The following NRXN3 variants were observed in gnomAD, a reference collection of about 807,000 sequenced individuals.
NRXN3 encodes the protein neurexin 3.
A neutral mutation model predicts 137.6 loss-of-function variants in NRXN3; 32 were observed. The observed-to-expected ratio is 0.23, with a 90% CI of 0.18 to 0.31. The LOEUF (loss-of-function observed/expected upper bound fraction) is 0.31, where lower values mean the gene tolerates loss of function less well. NRXN3 is among the 10% of genes least tolerant of loss of function. NRXN3 has a pLI of 1.00. For synonymous variants in NRXN3, 798 were observed against 784.5 expected, an observed-to-expected ratio of 1.02 and a Z score of -0.29; for missense variants, 1,574 against 2,062.5, an observed-to-expected ratio of 0.76 and a Z score of 4.59.
chr14:78,714,336 G>T (rs917633657), intron 7 of NRXN3, among the ~76,000 whole-genome samples: 1 of 152,180 alleles, frequency 6.6e-6, no homozygotes, highest in Admixed American at 6.5e-5. Context: ...AACCTATGAG[G>T]TGGGGACAGT....
chr14:78,353,028 G>A (rs931383053), intron 4 of NRXN3, among the ~76,000 whole-genome samples: 1 of 152,202 alleles, frequency 6.6e-6, no homozygotes, highest in Non-Finnish European at 1.5e-5. Context: ...AGTAAGGATC[G>A]ATCACATTCC....
intron 6 of NRXN3, among the ~76,000 whole-genome samples, chr14:78,658,976 G>C (rs2097809621): frequency 1.3e-5 from 2 of 152,126 alleles, no homozygotes; most frequent in Admixed American, 1.3e-4. Flanking sequence ...GCTAACTATT[G>C]GCTTGTCATG....
At chr14:78,484,203 T>C (rs1212171078) in intron 4 of NRXN3, among the ~76,000 whole-genome samples, 1 of 152,002 alleles carries the variant, frequency 6.6e-6, no homozygotes, top group Non-Finnish European at 1.5e-5. Flanking sequence ...TAATGACAAA[T>C]AATACAGTTG....
chr14:79,129,647 C>A (rs1036528449), intron 15 of NRXN3, among the ~76,000 whole-genome samples: 18 of 134,894 alleles, frequency 1.3e-4, no homozygotes, highest in Admixed American at 2.3e-4. Flanking sequence ...AAAAAAATGT[C>A]TATTCTGTTG....
At chr14:78,204,984 G>A (rs2062040377) in intron 1 of NRXN3, among the ~76,000 whole-genome samples, 1 of 152,180 alleles carries the variant, frequency 6.6e-6, no homozygotes, top group Non-Finnish European at 1.5e-5. Context: ...AAAGTGCGGA[G>A]ACCAAGAGTA....
chr14:78,896,098 G>T (rs2099173655), intron 10 of NRXN3, among the ~76,000 whole-genome samples: 1 of 151,844 alleles, frequency 6.6e-6, no homozygotes, highest in Admixed American at 6.6e-5. Context: ...TCAACCAACG[G>T]TTGCCCCAAA....
chr14:79,125,366 G>C (rs533527862), intron 15 of NRXN3, among the ~76,000 whole-genome samples: 1 of 152,144 alleles, frequency 6.6e-6, no homozygotes, highest in Non-Finnish European at 1.5e-5. Context: ...CACCTACCTT[G>C]TTCAGTAGTA....
chr14:78,824,286 T>C (rs1041096976), intron 10 of NRXN3, among the ~76,000 whole-genome samples: 5 of 151,974 alleles, frequency 3.3e-5, no homozygotes, highest in African/African-American at 9.7e-5. Flanking sequence ...CCTTGGCCAA[T>C]AGGGGATTCT....
chr14:78,314,942 T>TCTTTCTTTCTTTCTTCCTTCCTTC (rs1491333798), intron 4 of NRXN3, among the ~76,000 whole-genome samples: 1 of 60,580 alleles, frequency 1.7e-5, no homozygotes. Context: ...TTTCTTTCTT[T>TCTTTCTTTCTTTCTTCCTTCCTTC]CTTCCTTCCT....
At chr14:79,855,836 A>G (rs369569640) in intron 20 of NRXN3, among the ~76,000 whole-genome samples, 5 of 152,280 alleles carry the variant, frequency 3.3e-5, no homozygotes, top group East Asian at 1.9e-4. Context: ...TAATATTTGC[A>G]TTGATGGTTT....
chr14:78,619,475 T>C (rs1416036815), intron 4 of NRXN3, among the ~76,000 whole-genome samples: 1 of 152,080 alleles, frequency 6.6e-6, no homozygotes, highest in Admixed American at 6.6e-5. Context: ...ATGGTTAAGC[T>C]TTGTGTCCCA....
intron 15 of NRXN3, among the ~76,000 whole-genome samples, chr14:79,465,939 A>G (rs879061747): frequency 1.4e-4 from 21 of 152,176 alleles, no homozygotes; most frequent in Non-Finnish European, 2.8e-4. Context: ...ATTTTCTCCA[A>G]CTGAAATTAA....
At chr14:78,714,290 A>G (rs1381464387) in intron 7 of NRXN3, among the ~76,000 whole-genome samples, 1 of 152,148 alleles carries the variant, frequency 6.6e-6, no homozygotes, top group Non-Finnish European at 1.5e-5. Context: ...TCACTCTTAA[A>G]AGCACTTTGC....
At chr14:79,508,407 A>G (rs78778258) in intron 16 of NRXN3, among the ~76,000 whole-genome samples, 1 of 58,566 alleles carries the variant, frequency 1.7e-5, no homozygotes, top group Non-Finnish European at 3.4e-5. Flanking sequence ...TTTTTTTTTT[A>G]AGACAGAGTC....
chr14:78,885,864 G>A (rs968617171), intron 10 of NRXN3, among the ~76,000 whole-genome samples: 4 of 151,954 alleles, frequency 2.6e-5, no homozygotes, highest in Non-Finnish European at 5.9e-5. Context: ...TTTAATTTTG[G>A]TATTAGTATT....
intron 4 of NRXN3, among the ~76,000 whole-genome samples, chr14:78,628,301 C>T (rs1353169896): frequency 2.0e-5 from 3 of 152,076 alleles, no homozygotes; most frequent in Non-Finnish European, 2.9e-5. Context: ...GAACTCCTGG[C>T]TTCAAGTGAT....
At chr14:78,253,328 C>G (rs1457258191) in intron 2 of NRXN3, among the ~76,000 whole-genome samples, 1 of 152,184 alleles carries the variant, frequency 6.6e-6, no homozygotes, top group Non-Finnish European at 1.5e-5. Context: ...GTATTACTTT[C>G]TAGCTGTGAC....
At chr14:79,842,000 C>G (rs1229035718) in intron 20 of NRXN3, among the ~76,000 whole-genome samples, 1 of 152,176 alleles carries the variant, frequency 6.6e-6, no homozygotes, top group Non-Finnish European at 1.5e-5. Flanking sequence ...CTTGTGTGGG[C>G]AAAGCACCAT....
intron 19 of NRXN3, among the ~76,000 whole-genome samples, chr14:79,756,628 G>T (rs568717228): frequency 1.3e-5 from 2 of 152,294 alleles, no homozygotes; most frequent in African/African-American, 4.8e-5. Context: ...TGCCAAAGCA[G>T]ATAATGCCAG....
Sources: gnomAD v4.1 joint callset for allele counts (sites outside exome capture counted in the v4.1 genomes callset) on GRCh38, gnomAD v4.1.1 for gene constraint, MANE v1.5 for transcripts, NCBI Gene and HGNC (gene_info 2026-07-23, HGNC 2026-07-21) for gene names.